The following SMARCA2 variants were observed in gnomAD, a reference collection of about 807,000 sequenced individuals.
SMARCA2 encodes the protein SWI/SNF related BAF chromatin remodeling complex subunit ATPase 2.
SMARCA2 carries 61 observed loss-of-function variants against 199.8 expected under a neutral mutation model. That is an observed-to-expected ratio of 0.31 (90% CI 0.25 to 0.38). SMARCA2 has a LOEUF of 0.38. Ranked by LOEUF, SMARCA2 falls within the 10% of genes least tolerant of loss-of-function variation. The pLI is 1.00. For missense variants in SMARCA2, 1,344 were observed against 2,012.2 expected (o/e 0.67, Z 6.35); for synonymous variants, 935 against 732.0 (o/e 1.28, Z -4.48).
At position 2,169,347 on chromosome 9, in the gene SMARCA2, C is replaced by T. The variant is rs188754151; in HGVS notation, c.4200-1072C>T. On this transcript the variant is annotated intron_variant, in intron 28 of 33. Coordinates refer to ENST00000349721, the MANE Select transcript of SMARCA2 (RefSeq NM_003070.5). This position sits in a 1 kb window ranked among gnomAD's most constrained non-coding sequence, Gnocchi z 6.5. ...CTTCACAGCGGCCCCGTTGCCTACC[C>T]GATGATGACCAGACTTCTTAGCGTA... Among the ~76,000 whole-genome samples the T allele has an allele frequency of 2.5e-4, 38 of 152,302 alleles. No homozygotes were observed. Among genetic ancestry groups the T allele is most frequent in the Non-Finnish European group, 4.0e-4 (27 of 68,016 alleles).
At position 2,080,907 on chromosome 9, in the gene SMARCA2, C is replaced by T. The variant is rs1446640318; in HGVS notation, c.2185-925C>T. ...CTTCTGAAGGGAGGCATGCATCTTACAGACCTTGGTATCTATCTGCTACAG... is the reference window on the plus strand; with the variant it reads ...CTTCTGAAGGGAGGCATGCATCTTATAGACCTTGGTATCTATCTGCTACAG... On this transcript the variant is annotated intron_variant, in intron 14 of 33. Coordinates refer to ENST00000349721, the MANE Select transcript of SMARCA2 (RefSeq NM_003070.5). 4.6e-5 allele frequency among the ~76,000 whole-genome samples: 7 copies of T among 152,330 alleles called. No homozygotes were observed. The East Asian group carries it at 1.3e-3, about 29-fold the overall frequency.
intron 22 of SMARCA2, among the ~76,000 whole-genome samples, chr9:2,102,154 TGTGTGTGTG>T: frequency 6.6e-6 from 1 of 151,908 alleles, no homozygotes; most frequent in Non-Finnish European, 1.5e-5. Context: ...TGTGTGTGTG[TGTGTGTGTG>T]TGGTGTGTTG....
At chr9:2,031,491 T>G (rs561157978) in intron 2 of SMARCA2, among the ~76,000 whole-genome samples, 2 of 152,372 alleles carry the variant, frequency 1.3e-5, no homozygotes, top group East Asian at 3.9e-4. Context: ...AATACTTAGC[T>G]AAACTTTATT....
At chr9:2,172,177 G>T (rs1471681937) in intron 29 of SMARCA2, among the ~76,000 whole-genome samples, 1 of 151,874 alleles carries the variant, frequency 6.6e-6, no homozygotes, top group Non-Finnish European at 1.5e-5. Flanking sequence ...TTCTTCAGAA[G>T]AGCTTTTAAA....
rs146831108 is a variant in SMARCA2, at chr9:2,179,528, T to G, written c.4254-2043T>G. Among the ~76,000 whole-genome samples, 146 of 152,350 alleles carry G rather than the reference T, an allele frequency of 9.6e-4. 1 individual carries two copies. Among genetic ancestry groups the G allele is most frequent in the Middle Eastern group, 3.4e-3 (1 of 294 alleles). ...TCTTCTTTATGAGCATAGAGAACTC[T>G]GGACTTGTCTCCTTATGGGGTTTAG... is the stretch of plus-strand genomic sequence containing the variant. On this transcript the variant is annotated intron_variant, in intron 29 of 33. Transcript: ENST00000349721.
intron 27 of SMARCA2, among the ~76,000 whole-genome samples, chr9:2,151,669 G>T (rs1037877135): frequency 3.9e-5 from 6 of 152,108 alleles, no homozygotes; most frequent in African/African-American, 1.4e-4. Flanking sequence ...GGAGGTGGAG[G>T]TTGCAGTGAG....
chr9:2,160,882 G>GC, intron 27 of SMARCA2: 2 of 334,560 alleles, frequency 6.0e-6, no homozygotes, highest in Admixed American at 4.6e-5. Context: ...AGATTTACCA[G>GC]GAAAAAAAAA....
intron 32 of SMARCA2, 121 bp downstream of exon 32, chr9:2,186,349 A>G (rs1827453916): frequency 1.9e-6 from 2 of 1,076,796 alleles, no homozygotes; most frequent in Non-Finnish European, 2.6e-6. Flanking sequence ...CCCTTATTCC[A>G]CTTTGTCCTT....
At chr9:2,055,149 C>T (rs1586654118) in intron 6 of SMARCA2, among the ~76,000 whole-genome samples, 1 of 152,166 alleles carries the variant, frequency 6.6e-6, no homozygotes, top group Non-Finnish European at 1.5e-5. Flanking sequence ...AATATGGTAG[C>T]CACGCTACTG....
At position 2,047,222 on chromosome 9, in the gene SMARCA2, C is replaced by T. The variant is rs558585794; in HGVS notation, c.791-7C>T. The stretch of plus-strand genomic sequence containing the variant: ...CCCGAGCTGCCCATGTCGCTCTTGT[C>T]CCGCAGGCCCGGGGCCGGAGCTGAG... On this transcript the variant is annotated splice_polypyrimidine_tract_variant and splice_region_variant and intron_variant, in intron 4 of 33. Transcript: ENST00000349721. 81 of 1,010,506 alleles carry T rather than the reference C, an allele frequency of 8.0e-5. No individual in the cohort carries two copies. The South Asian group carries it at 3.1e-3, about 38-fold the overall frequency. The allele number at this position is 1,010,506 out of a possible 1,614,324, so 62.6% of individuals were successfully genotyped here.
Position 2,047,307 on chromosome 9 carries a change from CGCCCCCCGCAGCCGCGCA to C in SMARCA2, c.873_890del (p.Gln296_Ala301del). The C allele has an allele frequency of 2.0e-6, 2 of 1,005,390 alleles. No individual in the cohort carries two copies. Among genetic ancestry groups the C allele is most frequent in the Non-Finnish European group, 2.4e-6 (2 of 840,848 alleles). The allele number at this position is 1,005,390 out of a possible 1,614,324, so 62.3% of individuals were successfully genotyped here. A position where few individuals can be genotyped will look rare whatever the true frequency, so the allele number is the denominator to read the frequency against. Reference sequence around the variant, plus strand: ...GCGCCCGGCGGCCGGCCCTCGCCCGCGCCCCCCGCAGCCGCGCAGCCGCCCGCGGCCGCAGTGCCCGGG... The same window carrying C: ...GCGCCCGGCGGCCGGCCCTCGCCCGCGCCGCCCGCGGCCGCAGTGCCCGGG... On this transcript the variant is annotated inframe_deletion, in exon 5 of 34. Coordinates refer to ENST00000349721, the MANE Select transcript of SMARCA2 (RefSeq NM_003070.5).
At chr9:2,041,564 A>G (rs909798592) in intron 4 of SMARCA2, 4 of 395,724 alleles carry the variant, frequency 1.0e-5, no homozygotes, top group Non-Finnish European at 1.8e-5. Flanking sequence ...CTCCCTGGGA[A>G]TTAGGATTTT....
intron 13 of SMARCA2, among the ~76,000 whole-genome samples, chr9:2,076,718 A>T (rs1821339942): frequency 6.6e-6 from 1 of 151,912 alleles, no homozygotes; most frequent in African/African-American, 2.4e-5. Context: ...TAATGATATC[A>T]GCAGTCTCCC....
intron 32 of SMARCA2, among the ~76,000 whole-genome samples, chr9:2,187,759 C>A (rs1827577121): frequency 6.6e-6 from 1 of 152,130 alleles, no homozygotes; most frequent in East Asian, 1.9e-4. Flanking sequence ...CTGTATACCT[C>A]TCAAAGTAAA....
chr9:2,184,504 A>C (rs1586811407), intron 31 of SMARCA2, among the ~76,000 whole-genome samples: 1 of 151,364 alleles, frequency 6.6e-6, no homozygotes, highest in Non-Finnish European at 1.5e-5. Context: ...GGCATGCACC[A>C]CCATGCCCGG....
rs201157905 is a variant in SMARCA2 at position 2,083,327 on chromosome 9, T to C, written c.2349-20T>C. 7 of 1,412,720 alleles carry C rather than the reference T, an allele frequency of 5.0e-6. No individual in the cohort carries two copies. In the East Asian group the frequency reaches 1.7e-4, roughly 34 times the overall value. The allele number at this position is 1,412,720 out of a possible 1,614,324, so 87.5% of individuals were successfully genotyped here. A position where few individuals can be genotyped will look rare whatever the true frequency, so the allele number is the denominator to read the frequency against. On this transcript the variant is annotated intron_variant, in intron 15 of 33. Transcript: ENST00000349721. ...TATACAAATGTCTTTTTTCTGTTGT[T>C]TTTTTTTTTTGTTCCATAGGACTCT...
At chr9:2,184,183 C>T (rs1462370302) in intron 31 of SMARCA2, among the ~76,000 whole-genome samples, 4 of 152,082 alleles carry the variant, frequency 2.6e-5, no homozygotes, top group East Asian at 1.9e-4. Context: ...ACCTAAACAG[C>T]CCATAGTCCA....
At chr9:2,175,921 C>A (rs1826555517) in intron 29 of SMARCA2, among the ~76,000 whole-genome samples, 3 of 151,736 alleles carry the variant, frequency 2.0e-5, no homozygotes, top group East Asian at 1.9e-4. Context: ...CTCTTGTTGC[C>A]CAAGCTGGAG....
chr9:2,070,287 C>T (rs1821033396), intron 9 of SMARCA2, 131 bp from the exon 10 acceptor site: 1 of 743,780 alleles, frequency 1.3e-6, no homozygotes, highest in African/African-American at 1.7e-5. Context: ...ACATAAAAGG[C>T]ATTAACACTT....
Sources: allele counts gnomAD v4.1 joint callset (sites outside exome capture counted in the v4.1 genomes callset), GRCh38; gene constraint gnomAD v4.1.1; non-coding constraint Gnocchi (gnomAD v3.1); transcripts MANE v1.5; gene names NCBI Gene and HGNC (gene_info 2026-07-23, HGNC 2026-07-21).